SCN4B: variants seen among roughly 807,000 people sequenced by gnomAD.
SCN4B encodes the protein sodium channel regulatory subunit beta-4.
In SCN4B, 20 loss-of-function variants were observed where a neutral mutation model predicts 19.6. The observed-to-expected ratio is 1.02, with a 90% CI of 0.72 to 1.48. The LOEUF is 1.48. SCN4B is among the 40% of genes most tolerant of loss of function. The probability of loss-of-function intolerance (pLI) is 0.00; values close to 1 mark genes in which losing one functional copy is unlikely to be tolerated. For synonymous variants in SCN4B, 127 were observed against 122.8 expected, an observed-to-expected ratio of 1.03 and a Z score of -0.22; for missense variants, 271 against 287.5, an observed-to-expected ratio of 0.94 and a Z score of 0.42.
rs900019998 is a variant in SCN4B at position 118,137,191 on chromosome 11, C to T, written c.594-71G>A. On this transcript the variant is annotated intron_variant, in intron 4 of 4. Transcript: ENST00000324727. ...GTAGGGGGAGAATTGTGGCAGGAGC[C>T]GTGGGCCCTGCACCCAGCCCTGTGC... 9.7e-5 allele frequency: 114 copies of T among 1,177,148 alleles called. No homozygotes were observed. The African/African-American group carries it at 1.3e-3, about 13-fold the overall frequency. 72.9% of individuals were successfully genotyped at this position (1,177,148 alleles called of 1,614,324 possible).
chr11:118,152,562 CT>C (rs1948244702), intron 1 of SCN4B, 50 bp downstream of exon 1: 1 of 1,497,126 alleles, frequency 6.7e-7, no homozygotes, highest in Non-Finnish European at 9.3e-7. Flanking sequence ...GTGTCCCCTT[CT>C]TTGGGGGTGG....
intron 2 of SCN4B, among the ~76,000 whole-genome samples, chr11:118,144,404 C>CT (rs1410363204): frequency 6.6e-5 from 10 of 152,226 alleles, no homozygotes; most frequent in Non-Finnish European, 1.3e-4. Context: ...CCCACCCAGC[C>CT]TTTGCTGACA....
chr11:118,134,065 C>T lies in SCN4B; in HGVS notation c.*2962G>A, dbSNP rs778782137. 5 of 454,522 alleles carry T rather than the reference C, an allele frequency of 1.1e-5. No homozygotes were observed. Among genetic ancestry groups the T allele is most frequent in the South Asian group, 7.8e-5 (5 of 64,478 alleles). 28.2% of individuals were successfully genotyped at this position (454,522 alleles called of 1,614,324 possible). On this transcript the variant is annotated 3_prime_UTR_variant, in exon 5 of 5. Coordinates refer to ENST00000324727, the MANE Select transcript of SCN4B (RefSeq NM_174934.4). ...CCTCCTGCCATCTCACAAGCATGCT[C>T]TCAAGCCCTCGCTCCACAAGAGCTC...
rs1948002897 is a variant in SCN4B at position 118,136,243 on chromosome 11, C to G, written c.*784G>C. On this transcript the variant is annotated 3_prime_UTR_variant, in exon 5 of 5. Transcript: ENST00000324727. ...CTCACTACCTCTGTGGCCCAATTCC[C>G]CAAGTAGAAATGCTTGGAAAGGCAT... The G allele has an allele frequency of 2.2e-6, 1 of 453,642 alleles. No homozygotes were observed. Among genetic ancestry groups the G allele is most frequent in the Non-Finnish European group, 4.4e-6 (1 of 226,702 alleles). The allele number at this position is 453,642 out of a possible 1,614,324, so 28.1% of individuals were successfully genotyped here.
At chr11:118,139,100 G>A (rs1291323671) in intron 4 of SCN4B, among the ~76,000 whole-genome samples, 4 of 152,138 alleles carry the variant, frequency 2.6e-5, no homozygotes, top group Non-Finnish European at 4.4e-5. Flanking sequence ...CCTGCCGTCG[G>A]AAGTCAATCA....
chr11:118,143,382 T>A (rs1451466152), intron 3 of SCN4B, among the ~76,000 whole-genome samples: 1 of 152,256 alleles, frequency 6.6e-6, no homozygotes, highest in African/African-American at 2.4e-5. Flanking sequence ...TATTTATTTA[T>A]CTTCTGTCCT....
At position 118,134,339 on chromosome 11, in the gene SCN4B, T is replaced by C. The variant is rs1467706914; in HGVS notation, c.*2688A>G. 2 of 454,016 alleles carry C rather than the reference T, an allele frequency of 4.4e-6. No homozygotes were observed. Among genetic ancestry groups the C allele is most frequent in the African/African-American group, 2.0e-5 (1 of 50,010 alleles). The allele number at this position is 454,016 out of a possible 1,614,324, so 28.1% of individuals were successfully genotyped here. ...GATCGACTTTGTAAGTGGCTCTCTC[T>C]AGCCCACAAGCCCTGGAAGCCACCA... On this transcript the variant is annotated 3_prime_UTR_variant, in exon 5 of 5. Transcript: ENST00000324727.
chr11:118,143,746 C>A lies in SCN4B; in HGVS notation c.463+87G>T, dbSNP rs1022040335. The A allele has an allele frequency of 4.2e-5, 37 of 887,348 alleles. No homozygotes were observed. The Admixed American group carries it at 7.2e-4, about 17-fold the overall frequency. The allele number at this position is 887,348 out of a possible 1,614,324, so 55.0% of individuals were successfully genotyped here. ...AAGCAAAAGAAAACACCAACACGGT[C>A]CATTTTGCCATTTCACTGTGATGCT... On this transcript the variant is annotated intron_variant, in intron 3 of 4. Coordinates refer to ENST00000324727, the MANE Select transcript of SCN4B (RefSeq NM_174934.4).
At chr11:118,141,704 C>T (rs1256937874) in intron 3 of SCN4B, 3 of 304,864 alleles carry the variant, frequency 9.8e-6, no homozygotes, top group African/African-American at 2.1e-5. Context: ...GACCCCTTTG[C>T]TCACACAGAA....
chr11:118,134,073 C>T lies in SCN4B; in HGVS notation c.*2954G>A, dbSNP rs931889454. 2.2e-6 allele frequency: 1 copy of T among 454,508 alleles called. No individual in the cohort carries two copies. The highest frequency in any genetic ancestry group is 4.4e-6 in the Non-Finnish European group (1 of 226,806). 28.2% of individuals were successfully genotyped at this position (454,508 alleles called of 1,614,324 possible). ...CATCTCACAAGCATGCTCTCAAGCC[C>T]TCGCTCCACAAGAGCTCTGATCGGC... On this transcript the variant is annotated 3_prime_UTR_variant, in exon 5 of 5. Transcript: ENST00000324727.
In SCN4B at chr11:118,136,728, G is replaced by GTCTC. The variant is rs1403168710; in HGVS notation, c.*298_*299insGAGA. On this transcript the variant is annotated 3_prime_UTR_variant, in exon 5 of 5. Coordinates refer to ENST00000324727, the MANE Select transcript of SCN4B (RefSeq NM_174934.4). ...GCTTGTGCAGGGTAGGGAGACTGAA[G>GTCTC]GAGACCCCATCTGCCCAGGTGTCAG... 1 of 540,548 alleles carries GTCTC rather than the reference G, an allele frequency of 1.8e-6. No homozygotes were observed. Among genetic ancestry groups the GTCTC allele is most frequent in the South Asian group, 1.5e-5 (1 of 65,248 alleles). 33.5% of individuals were successfully genotyped at this position (540,548 alleles called of 1,614,324 possible).
intron 4 of SCN4B, among the ~76,000 whole-genome samples, chr11:118,139,472 T>A (rs1948067465): frequency 6.6e-6 from 1 of 152,202 alleles, no homozygotes; most frequent in Non-Finnish European, 1.5e-5. Context: ...TGTATACACA[T>A]TTATTTGTAT....
intron 4 of SCN4B, among the ~76,000 whole-genome samples, chr11:118,139,196 C>T (rs1469163321): frequency 6.6e-6 from 1 of 152,114 alleles, no homozygotes; most frequent in Non-Finnish European, 1.5e-5. Flanking sequence ...CACCATACAG[C>T]TCTCTCAACA....
chr11:118,144,161 CT>C, intron 2 of SCN4B, 100 bp from the exon 3 acceptor site: 1 of 796,394 alleles, frequency 1.3e-6, no homozygotes, highest in South Asian at 1.4e-5. Context: ...GATGCCTCCC[CT>C]GTCCAGGACC....
intron 1 of SCN4B, among the ~76,000 whole-genome samples, chr11:118,147,468 A>G (rs1056957179): frequency 1.3e-5 from 2 of 152,192 alleles, no homozygotes; most frequent in Non-Finnish European, 2.9e-5. Flanking sequence ...CAGCGTTCAG[A>G]TATTAGCCCC....
Position 118,136,901 on chromosome 11 carries a change from C to G in SCN4B, c.*126G>C. 2 of 738,492 alleles carry G rather than the reference C, an allele frequency of 2.7e-6. No homozygotes were observed. Among genetic ancestry groups the G allele is most frequent in the South Asian group, 1.5e-5 (1 of 67,402 alleles). 45.7% of individuals were successfully genotyped at this position (738,492 alleles called of 1,614,324 possible). A position where few individuals can be genotyped will look rare whatever the true frequency, so the allele number is the denominator to read the frequency against. ...GGGCAGGACTCTGGTTTCTTGTGCC[C>G]GGAAAGACTACAGTTTGAGCCAAGC... is the stretch of plus-strand genomic sequence containing the variant. On this transcript the variant is annotated 3_prime_UTR_variant, in exon 5 of 5. Coordinates refer to ENST00000324727, the MANE Select transcript of SCN4B (RefSeq NM_174934.4).
chr11:118,139,075 G>A (rs1385495204), intron 4 of SCN4B, among the ~76,000 whole-genome samples: 1 of 152,072 alleles, frequency 6.6e-6, no homozygotes, highest in African/African-American at 2.4e-5. Context: ...GGCCCTGCAA[G>A]CCCTCGCCAG....
Position 118,135,617 on chromosome 11 carries a change from G to C in SCN4B, c.*1410C>G, listed in dbSNP as rs886047722. 2.6e-5 allele frequency: 12 copies of C among 454,110 alleles called. No individual in the cohort carries two copies. The highest frequency in any genetic ancestry group is 1.4e-4 in the East Asian group (2 of 14,370). 28.1% of individuals were successfully genotyped at this position (454,110 alleles called of 1,614,324 possible). ...GAAACCCCAATGGGAGCACCTGGCC[G>C]ACATCTCCAAGATTCAGTCACTGGC... On this transcript the variant is annotated 3_prime_UTR_variant, in exon 5 of 5. Coordinates refer to ENST00000324727, the MANE Select transcript of SCN4B (RefSeq NM_174934.4).
chr11:118,152,313 T>C (rs1948241488), intron 1 of SCN4B, among the ~76,000 whole-genome samples: 1 of 152,174 alleles, frequency 6.6e-6, no homozygotes, highest in Non-Finnish European at 1.5e-5. Context: ...CTCTGAACTC[T>C]GGAGACCCGC....
Sources: gnomAD v4.1 joint callset for allele counts (sites outside exome capture counted in the v4.1 genomes callset) on GRCh38, gnomAD v4.1.1 for gene constraint, MANE v1.5 for transcripts, NCBI Gene and HGNC (gene_info 2026-07-23, HGNC 2026-07-21) for gene names.